TMEM184B: variants seen among roughly 807,000 people sequenced by gnomAD.
TMEM184B encodes the protein transmembrane protein 184B.
TMEM184B carries 17 observed loss-of-function variants against 41.8 expected under a neutral mutation model. The observed-to-expected ratio is 0.41, with a 90% CI of 0.28 to 0.61. TMEM184B has a LOEUF of 0.61. TMEM184B is among the 20% of genes least tolerant of loss of function. The pLI is 0.34. For synonymous variants in TMEM184B, 240 were observed against 229.5 expected (o/e 1.05, Z -0.41); for missense variants, 393 against 557.8 (o/e 0.70, Z 2.98).
Position 38,260,830 on chromosome 22 carries a change from G to A in TMEM184B, c.-59+12054C>T, listed in dbSNP as rs561608356. On this transcript the variant is annotated intron_variant, in intron 1 of 8. Coordinates refer to ENST00000361906, the MANE Select transcript of TMEM184B (RefSeq NM_012264.5). Reference sequence around the variant, plus strand: ...TATTTGCTCTCTTTAAATCTTCTGAGGTCATATTTTCATTCATTAGTTTCA... The same window carrying A: ...TATTTGCTCTCTTTAAATCTTCTGAAGTCATATTTTCATTCATTAGTTTCA... 8.5e-5 allele frequency among the ~76,000 whole-genome samples: 13 copies of A among 152,272 alleles called. No individual in the cohort carries two copies. The East Asian group carries it at 2.5e-3, about 29-fold the overall frequency.
At chr22:38,272,627 C>T (rs2092542412) in intron 1 of TMEM184B, 1 of 985,520 alleles carries the variant, frequency 1.0e-6, no homozygotes, top group Non-Finnish European at 1.2e-6. Context: ...CAGGAGCTGC[C>T]CCCGCCACGT....
At chr22:38,266,841 TG>T (rs1602505288) in intron 1 of TMEM184B, among the ~76,000 whole-genome samples, 1 of 152,156 alleles carries the variant, frequency 6.6e-6, no homozygotes, top group Non-Finnish European at 1.5e-5. Flanking sequence ...CCCAGCACTT[TG>T]GGAGGCCGAG....
chr22:38,258,300 A>AT (rs752882414), intron 1 of TMEM184B, among the ~76,000 whole-genome samples: 2,496 of 141,304 alleles, frequency 0.018, 43 homozygotes, highest in African/African-American at 0.043. Context: ...ATTTTTCCAA[A>AT]TTTTTTTTTT....
chr22:38,240,732 CAAAAAA>C (rs550793359), intron 3 of TMEM184B, among the ~76,000 whole-genome samples: 1 of 66,562 alleles, frequency 1.5e-5, no homozygotes, highest in Non-Finnish European at 2.9e-5. Context: ...GAAAAAAAGG[CAAAAAA>C]AAAAAAAAAA....
intron 1 of TMEM184B, among the ~76,000 whole-genome samples, chr22:38,253,837 G>A (rs1419008766): frequency 2.0e-5 from 3 of 152,164 alleles, no homozygotes; most frequent in Non-Finnish European, 4.4e-5. Context: ...AAGCCACAGA[G>A]TGGAAGAATA....
At chr22:38,230,121 C>T (rs1204523179) in intron 5 of TMEM184B, among the ~76,000 whole-genome samples, 2 of 85,274 alleles carry the variant, frequency 2.3e-5, no homozygotes, top group African/African-American at 5.8e-5. Flanking sequence ...GAAGCTAGAG[C>T]GGCTGGATTG....
At chr22:38,250,792 C>T (rs781161429) in intron 1 of TMEM184B, among the ~76,000 whole-genome samples, 18 of 152,198 alleles carry the variant, frequency 1.2e-4, no homozygotes, top group Non-Finnish European at 5.9e-5. Flanking sequence ...AGAGCAGACC[C>T]GAGCCAGGGC....
At chr22:38,243,876 T>C (rs902254668) in intron 3 of TMEM184B, among the ~76,000 whole-genome samples, 7 of 152,058 alleles carry the variant, frequency 4.6e-5, no homozygotes, top group Non-Finnish European at 1.0e-4. Context: ...GGGCTAATCA[T>C]GCTCAGGAAG....
At chr22:38,262,514 T>G (rs1275668990) in intron 1 of TMEM184B, among the ~76,000 whole-genome samples, 1 of 152,104 alleles carries the variant, frequency 6.6e-6, no homozygotes, top group Non-Finnish European at 1.5e-5. Flanking sequence ...ACAGGCCAAG[T>G]GCGGCTCAAG....
In TMEM184B at chr22:38,220,024, A is replaced by T; in HGVS notation, c.*1445T>A. The T allele has an allele frequency of 3.0e-6, 3 of 985,484 alleles. No homozygotes were observed. Among genetic ancestry groups the T allele is most frequent in the Non-Finnish European group, 3.6e-6 (3 of 829,968 alleles). The allele number at this position is 985,484 out of a possible 1,614,324, so 61.0% of individuals were successfully genotyped here. A position where few individuals can be genotyped will look rare whatever the true frequency, so the allele number is the denominator to read the frequency against. The stretch of plus-strand genomic sequence containing the variant: ...GAAAGAATCCCCAGTGAACACCGGC[A>T]GGGTCCCTCTCCCTTACCCTACCAG... On this transcript the variant is annotated 3_prime_UTR_variant, in exon 9 of 9. Transcript: ENST00000361906.
downstream of TMEM184B, among the ~76,000 whole-genome samples, chr22:38,217,970 AAAG>A (rs894655462): frequency 1.8e-4 from 27 of 152,196 alleles, no homozygotes; most frequent in South Asian, 4.1e-4. Context: ...CCCTGTCTCA[AAAG>A]AAGAAGAAAT....
In TMEM184B at chr22:38,226,968, C is replaced by A; in HGVS notation, c.526-98G>T. ...GACGGAACTGTACCGGATGGAGGGA[C>A]AGAGAGGATGAAGGAGACGGAGAGG... is the stretch of plus-strand genomic sequence containing the variant. On this transcript the variant is annotated intron_variant, in intron 5 of 8. Transcript: ENST00000361906. This position sits in a 1 kb window ranked among gnomAD's most constrained non-coding sequence, Gnocchi z 4.6. 1 of 1,255,154 alleles carries A rather than the reference C, an allele frequency of 8.0e-7. No individual in the cohort carries two copies. Among genetic ancestry groups the A allele is most frequent in the South Asian group, 1.3e-5 (1 of 75,902 alleles). 77.8% of individuals were successfully genotyped at this position (1,255,154 alleles called of 1,614,324 possible). A position where few individuals can be genotyped will look rare whatever the true frequency, so the allele number is the denominator to read the frequency against.
intron 3 of TMEM184B, among the ~76,000 whole-genome samples, chr22:38,233,874 G>A (rs554531920): frequency 5.7e-4 from 86 of 152,202 alleles, no homozygotes; most frequent in South Asian, 1.0e-3. Context: ...GGTTCAAGTG[G>A]TTCTCCTGTC....
intron 1 of TMEM184B, among the ~76,000 whole-genome samples, chr22:38,257,517 G>A (rs763882862): frequency 2.0e-5 from 3 of 152,108 alleles, no homozygotes; most frequent in South Asian, 2.1e-4. Flanking sequence ...TAAACAAGCC[G>A]AACGTGAAGC....
chr22:38,237,877 C>T (rs1487832379), intron 3 of TMEM184B, among the ~76,000 whole-genome samples: 6 of 151,726 alleles, frequency 4.0e-5, no homozygotes, highest in Non-Finnish European at 8.8e-5. Context: ...CGCGATCTCA[C>T]TGCAACCTCT....
At chr22:38,218,817 A>C (rs1182877619), downstream of TMEM184B, among the ~76,000 whole-genome samples, 1 of 152,208 alleles carries the variant, frequency 6.6e-6, no homozygotes, top group Non-Finnish European at 1.5e-5. Context: ...CGTCAGCAGC[A>C]AGCCAGGCCC....
chr22:38,246,100 T>C lies in TMEM184B; in HGVS notation c.193A>G (p.Ile65Val), dbSNP rs1348102822. Residue 65 changes from isoleucine (I) to valine (V), a missense_variant and splice_region_variant, in exon 3 of 9, where the codon ATC becomes GTC. By Grantham distance (29) the Ile-to-Val change is conservative (BLOSUM62 3). Transcript: ENST00000361906. ...CTGTAGCAGCGCAGGTGCATGTAGA[T>C]CTGGGGGCAGAGGTGTGGGGTCAGC... is the stretch of plus-strand genomic sequence containing the variant. The part of the protein sequence containing the change: ...WTALLITCHQ[I>V]YMHLRCYSCP... 1 of 1,609,164 alleles carries C rather than the reference T, an allele frequency of 6.2e-7. No individual in the cohort carries two copies. The highest frequency in any genetic ancestry group is 8.5e-7 in the Non-Finnish European group (1 of 1,179,868).
Position 38,220,645 on chromosome 22 carries a change from C to A in TMEM184B, c.*824G>T, listed in dbSNP as rs905831794. 1 of 986,248 alleles carries A rather than the reference C, an allele frequency of 1.0e-6. No homozygotes were observed. The highest frequency in any genetic ancestry group is 1.2e-6 in the Non-Finnish European group (1 of 830,210). 61.1% of individuals were successfully genotyped at this position (986,248 alleles called of 1,614,324 possible). On this transcript the variant is annotated 3_prime_UTR_variant, in exon 9 of 9. Transcript: ENST00000361906. ...CAGCCTGGGAAGGAGGGCTGGGAGC[C>A]CCTGAGCCCTGAAGCAGCCAGGAAG...
At chr22:38,253,811 T>C (rs907045035) in intron 1 of TMEM184B, among the ~76,000 whole-genome samples, 2 of 152,154 alleles carry the variant, frequency 1.3e-5, no homozygotes, top group Admixed American at 6.6e-5. Flanking sequence ...TAAAAACTTA[T>C]GCACTATGAA....
Sources: allele counts gnomAD v4.1 joint callset (sites outside exome capture counted in the v4.1 genomes callset), GRCh38; gene constraint gnomAD v4.1.1; non-coding constraint Gnocchi (gnomAD v3.1); transcripts MANE v1.5; gene names NCBI Gene and HGNC (gene_info 2026-07-23, HGNC 2026-07-21).